ANKS1B: variants seen among roughly 807,000 people sequenced by gnomAD.
The protein encoded by ANKS1B is ankyrin repeat and sterile alpha motif domain-containing protein 1B.
In ANKS1B, 36 loss-of-function variants were observed where a neutral mutation model predicts 148.3. The observed-to-expected ratio is 0.24, with a 90% CI of 0.19 to 0.32. The LOEUF (loss-of-function observed/expected upper bound fraction) is 0.32, where lower values mean the gene tolerates loss of function less well. ANKS1B is among the 10% of genes least tolerant of loss of function. The pLI is 1.00. For synonymous variants in ANKS1B, 542 were observed against 560.8 expected (o/e 0.97, Z 0.47); for missense variants, 1,157 against 1,542.6 (o/e 0.75, Z 4.19).
At chr12:99,088,501 T>C (rs1250300442) in intron 15 of ANKS1B, among the ~76,000 whole-genome samples, 4 of 152,170 alleles carry the variant, frequency 2.6e-5, no homozygotes, top group Non-Finnish European at 5.9e-5. Context: ...GTTTCAGAAT[T>C]TGTAACCTAA....
chr12:99,234,339 G>C (rs1262987340), intron 14 of ANKS1B, among the ~76,000 whole-genome samples: 1 of 152,040 alleles, frequency 6.6e-6, no homozygotes, highest in Non-Finnish European at 1.5e-5. Flanking sequence ...CTGTGCCAGG[G>C]TACTCTGGAA....
At chr12:99,744,229 A>T (rs2060379971) in intron 8 of ANKS1B, among the ~76,000 whole-genome samples, 1 of 152,226 alleles carries the variant, frequency 6.6e-6, no homozygotes, top group Non-Finnish European at 1.5e-5. Flanking sequence ...TACTTAAAAA[A>T]TTCATACTAA....
chr12:99,327,646 C>T (rs944222702), intron 12 of ANKS1B, among the ~76,000 whole-genome samples: 1 of 149,036 alleles, frequency 6.7e-6, no homozygotes, highest in Non-Finnish European at 1.5e-5. Flanking sequence ...TATATATATG[C>T]CACTCATTGG....
chr12:99,778,119 G>GCACA (rs2063865836), intron 6 of ANKS1B, among the ~76,000 whole-genome samples: 1 of 151,944 alleles, frequency 6.6e-6, no homozygotes, highest in Non-Finnish European at 1.5e-5. Flanking sequence ...AGAATGGTGT[G>GCACA]AACCGGGGAG....
chr12:99,533,954 T>A (rs939331848), intron 9 of ANKS1B, among the ~76,000 whole-genome samples: 1 of 152,198 alleles, frequency 6.6e-6, no homozygotes, highest in Non-Finnish European at 1.5e-5. Context: ...AAAACTTGAA[T>A]GGCCTCCCAA....
rs116709158 is a variant in ANKS1B, at chr12:98,751,974, A to C, written c.3580-452T>G. The stretch of plus-strand genomic sequence containing the variant: ...CTTCCCCTGTCCTGTTGTTTCCCTA[A>C]GCCAGACTAAGGCATAAGTGACTAT... On this transcript the variant is annotated intron_variant, in intron 25 of 26. Coordinates refer to ENST00000683438, the MANE Select transcript of ANKS1B (RefSeq NM_001352186.2). This position sits in a 1 kb window ranked among gnomAD's most constrained non-coding sequence, Gnocchi z 4.3. Among the ~76,000 whole-genome samples the C allele has an allele frequency of 2.5e-3, 376 of 152,348 alleles. 2 individuals are homozygous for C. The highest frequency in any genetic ancestry group is 8.6e-3 in the African/African-American group (356 of 41,572).
intron 14 of ANKS1B, among the ~76,000 whole-genome samples, chr12:99,172,530 C>T (rs1249298863): frequency 6.6e-6 from 1 of 152,142 alleles, no homozygotes. Context: ...AAAGTAAGCC[C>T]TGGTTCAACA....
intron 8 of ANKS1B, among the ~76,000 whole-genome samples, chr12:99,716,668 G>T (rs540293692): frequency 6.6e-6 from 1 of 151,914 alleles, no homozygotes; most frequent in African/African-American, 2.4e-5. Flanking sequence ...ACGGTCTGAG[G>T]TGCCTGACAT....
intron 19 of ANKS1B, among the ~76,000 whole-genome samples, chr12:98,815,204 A>G (rs1460388958): frequency 6.6e-6 from 1 of 152,186 alleles, no homozygotes; most frequent in Non-Finnish European, 1.5e-5. Flanking sequence ...CCTTGCCCCA[A>G]CATCACCCTC....
chr12:99,530,380 A>G (rs897959302), intron 9 of ANKS1B, among the ~76,000 whole-genome samples: 10 of 152,220 alleles, frequency 6.6e-5, no homozygotes, highest in Non-Finnish European at 1.3e-4. Context: ...CACAAAGAGA[A>G]TAAGTGACAC....
intron 22 of ANKS1B, among the ~76,000 whole-genome samples, chr12:98,787,759 A>G (rs1358986499): frequency 6.6e-6 from 1 of 151,694 alleles, no homozygotes; most frequent in Non-Finnish European, 1.5e-5. Context: ...ATCTATACTA[A>G]AATACAAATA....
chr12:99,652,807 C>T (rs1007315284), intron 9 of ANKS1B, among the ~76,000 whole-genome samples: 7 of 151,606 alleles, frequency 4.6e-5, no homozygotes, highest in East Asian at 1.9e-4. Context: ...AGGATAAAAA[C>T]GAGAGGAATA....
At chr12:98,830,804 C>A (rs2099302728) in intron 18 of ANKS1B, among the ~76,000 whole-genome samples, 1 of 152,086 alleles carries the variant, frequency 6.6e-6, no homozygotes, top group Admixed American at 6.5e-5. Context: ...TGACTGCCGG[C>A]CACTTCTTGC....
chr12:98,933,257 T>C (rs2099815342), intron 17 of ANKS1B, among the ~76,000 whole-genome samples: 1 of 152,216 alleles, frequency 6.6e-6, no homozygotes, highest in South Asian at 2.1e-4. Context: ...TTTCTGCGAC[T>C]AACTTACTTC....
intron 1 of ANKS1B, among the ~76,000 whole-genome samples, chr12:99,975,240 G>A (rs367901754): frequency 2.0e-5 from 3 of 152,172 alleles, no homozygotes; most frequent in Non-Finnish European, 4.4e-5. Flanking sequence ...AGAAGAGGTC[G>A]ATGGCTTTAC....
intron 4 of ANKS1B, among the ~76,000 whole-genome samples, chr12:99,793,152 A>C (rs2065865271): frequency 6.6e-6 from 1 of 152,056 alleles, no homozygotes; most frequent in Non-Finnish European, 1.5e-5. Flanking sequence ...AAATCTCTAC[A>C]ATGAAAACTG....
intron 9 of ANKS1B, among the ~76,000 whole-genome samples, chr12:98,736,502 A>C (rs1298786226): frequency 6.6e-6 from 1 of 152,182 alleles, no homozygotes; most frequent in Non-Finnish European, 1.5e-5. Flanking sequence ...CGTTAACGAG[A>C]CATCCAGGTG....
chr12:99,689,380 T>G (rs2098667097), intron 8 of ANKS1B, among the ~76,000 whole-genome samples: 1 of 151,930 alleles, frequency 6.6e-6, no homozygotes, highest in South Asian at 2.1e-4. Flanking sequence ...AATACAAGAG[T>G]AAGCTTAGTG....
chr12:99,070,615 G>C (rs971560488), intron 16 of ANKS1B, among the ~76,000 whole-genome samples: 3 of 152,110 alleles, frequency 2.0e-5, no homozygotes, highest in African/African-American at 7.2e-5. Context: ...CTTTTTGCTT[G>C]GAGTGTCATG....
Sources: gnomAD v4.1 joint callset for allele counts (sites outside exome capture counted in the v4.1 genomes callset) on GRCh38, gnomAD v4.1.1 for gene constraint, Gnocchi (gnomAD v3.1) non-coding constraint, MANE v1.5 for transcripts, NCBI Gene and HGNC (gene_info 2026-07-23, HGNC 2026-07-21) for gene names.